The following MACROD2 variants were observed in gnomAD, a reference collection of about 807,000 sequenced individuals.
MACROD2 encodes mono-ADP ribosylhydrolase 2, also known as ADP-ribose glycohydrolase MACROD2.
A neutral mutation model predicts 70.4 loss-of-function variants in MACROD2; 36 were observed. That is an observed-to-expected ratio of 0.51 (90% CI 0.39 to 0.68). MACROD2 has a LOEUF of 0.68. Among genes scored for constraint, MACROD2 ranks in the 30% least tolerant of loss-of-function variants. MACROD2 has a pLI of 0.00. For synonymous variants in MACROD2, 172 were observed against 178.8 expected (o/e 0.96, Z 0.30); for missense variants, 496 against 538.4 (o/e 0.92, Z 0.78).
At chr20:15,176,130 T>C (rs1470908363) in intron 5 of MACROD2, among the ~76,000 whole-genome samples, 1 of 152,222 alleles carries the variant, frequency 6.6e-6, no homozygotes, top group Non-Finnish European at 1.5e-5. Context: ...CCCTGCTGCC[T>C]TGGCCCCCTC....
intron 5 of MACROD2, among the ~76,000 whole-genome samples, chr20:15,030,338 C>T (rs984719164): frequency 6.6e-6 from 1 of 152,112 alleles, no homozygotes; most frequent in East Asian, 1.9e-4. Flanking sequence ...GTGGTGCATG[C>T]CTATAGTCCC....
At position 16,029,225 on chromosome 20, in the gene MACROD2, A is replaced by G. The variant is rs141314543; in HGVS notation, c.1154-11976A>G. ...AAAAGGCCCTATTTATAAATACAGT[A>G]ACTTGCAGGTTGGGGCTACAACCTT... is the stretch of plus-strand genomic sequence containing the variant. On this transcript the variant is annotated intron_variant, in intron 15 of 17. Transcript: ENST00000684519. 3.1e-4 allele frequency among the ~76,000 whole-genome samples: 47 copies of G among 152,294 alleles called. 1 individual carries two copies. In the East Asian group the frequency reaches 9.1e-3, roughly 29 times the overall value.
chr20:15,682,627 C>T (rs2050175167), intron 8 of MACROD2, among the ~76,000 whole-genome samples: 1 of 152,164 alleles, frequency 6.6e-6, no homozygotes. Context: ...CCACATGAAG[C>T]TTGGTTGGCC....
chr20:14,745,690 C>T (rs1363946951), intron 5 of MACROD2, among the ~76,000 whole-genome samples: 1 of 152,144 alleles, frequency 6.6e-6, no homozygotes, highest in Non-Finnish European at 1.5e-5. Flanking sequence ...TGTTAGTGCT[C>T]AATAAATGCC....
chr20:15,268,174 A>C (rs910005366), intron 6 of MACROD2, among the ~76,000 whole-genome samples: 5 of 152,092 alleles, frequency 3.3e-5, no homozygotes, highest in Non-Finnish European at 7.4e-5. Flanking sequence ...GGAGAGTTTT[A>C]GTTTCTTTTG....
chr20:15,540,298 A>T (rs1222989624), intron 8 of MACROD2, among the ~76,000 whole-genome samples: 3 of 152,198 alleles, frequency 2.0e-5, no homozygotes, highest in Non-Finnish European at 4.4e-5. Context: ...TCATTAGGAC[A>T]TGTATCCTAC....
chr20:15,689,429 G>A (rs1181498591), intron 8 of MACROD2, among the ~76,000 whole-genome samples: 1 of 152,120 alleles, frequency 6.6e-6, no homozygotes, highest in Non-Finnish European at 1.5e-5. Flanking sequence ...ATCTGTGGGG[G>A]GAAAAACAGC....
intron 5 of MACROD2, among the ~76,000 whole-genome samples, chr20:14,750,861 A>G (rs565093250): frequency 6.6e-6 from 1 of 152,220 alleles, no homozygotes; most frequent in East Asian, 1.9e-4. Context: ...TCACTAACAA[A>G]TAACTAATCT....
chr20:14,673,587 A>T (rs950778016), intron 4 of MACROD2, among the ~76,000 whole-genome samples: 2 of 152,204 alleles, frequency 1.3e-5, no homozygotes, highest in Middle Eastern at 3.4e-3. Flanking sequence ...TTAGATAAGT[A>T]ATCTATTCTT....
intron 6 of MACROD2, among the ~76,000 whole-genome samples, chr20:15,298,877 T>C (rs971488566): frequency 6.6e-5 from 10 of 152,168 alleles, no homozygotes; most frequent in African/African-American, 2.4e-4. Flanking sequence ...ATTATCCTCA[T>C]TTTACTGACA....
chr20:15,043,570 A>C (rs2075371018), intron 5 of MACROD2, among the ~76,000 whole-genome samples: 1 of 152,140 alleles, frequency 6.6e-6, no homozygotes, highest in Non-Finnish European at 1.5e-5. Flanking sequence ...CTGGGCCTTC[A>C]GATCTTCCTT....
intron 5 of MACROD2, among the ~76,000 whole-genome samples, chr20:15,226,418 T>C: frequency 6.6e-6 from 1 of 152,242 alleles, no homozygotes; most frequent in East Asian, 1.9e-4. Context: ...CTATTTACAT[T>C]ATCTTATTTA....
intron 5 of MACROD2, among the ~76,000 whole-genome samples, chr20:14,723,214 G>T (rs1365691546): frequency 6.6e-6 from 1 of 152,138 alleles, no homozygotes; most frequent in Non-Finnish European, 1.5e-5. Context: ...TTGGAATCAA[G>T]TCCCTGCTTT....
At chr20:15,171,665 G>A (rs76716130) in intron 5 of MACROD2, among the ~76,000 whole-genome samples, 1 of 151,708 alleles carries the variant, frequency 6.6e-6, no homozygotes, top group African/African-American at 2.4e-5. Flanking sequence ...TTATACTTCA[G>A]GTCTCAGCTA....
rs577977120 is a variant in MACROD2 at position 14,090,796 on chromosome 20, A to G, written c.271+5068A>G. Among the ~76,000 whole-genome samples the G allele has an allele frequency of 4.6e-5, 7 of 152,330 alleles. No homozygotes were observed. The South Asian group carries it at 1.4e-3, about 32-fold the overall frequency. On this transcript the variant is annotated intron_variant, in intron 3 of 17. Coordinates refer to ENST00000684519, the MANE Select transcript of MACROD2 (RefSeq NM_001351661.2). The stretch of plus-strand genomic sequence containing the variant: ...CCTAGAAGTAGAATCAACAGATCAT[A>G]TGGCAGTTTTATTTTTAGCTTGTTG...
chr20:14,056,126 A>G (rs1259209908), intron 2 of MACROD2, among the ~76,000 whole-genome samples: 2 of 152,094 alleles, frequency 1.3e-5, no homozygotes, highest in Non-Finnish European at 2.9e-5. Flanking sequence ...TGGTCTTCTC[A>G]GGTTTTGGAT....
At position 15,350,447 on chromosome 20, in the gene MACROD2, G is replaced by A. The variant is rs1472201597; in HGVS notation, c.541-80958G>A. On this transcript the variant is annotated intron_variant, in intron 6 of 17. Coordinates refer to ENST00000684519, the MANE Select transcript of MACROD2 (RefSeq NM_001351661.2). ...TCACCTGAGTGTAGGTAAATGGGAGGAAGTGGTGAGTGGAAGGGGAAAGCC... is the reference window on the plus strand; with the variant it reads ...TCACCTGAGTGTAGGTAAATGGGAGAAAGTGGTGAGTGGAAGGGGAAAGCC... Among the ~76,000 whole-genome samples the A allele has an allele frequency of 2.6e-5, 4 of 152,134 alleles. No individual in the cohort carries two copies. In the East Asian group the frequency reaches 7.7e-4, roughly 29 times the overall value.
intron 3 of MACROD2, among the ~76,000 whole-genome samples, chr20:14,270,175 C>A (rs1433555217): frequency 6.6e-6 from 1 of 151,990 alleles, no homozygotes; most frequent in East Asian, 1.9e-4. Flanking sequence ...TAATTTCTCT[C>A]AAAAACAACA....
rs574966977 is a variant in MACROD2 at position 14,615,720 on chromosome 20, G to A, written c.302-69123G>A. Among the ~76,000 whole-genome samples the A allele has an allele frequency of 3.3e-5, 5 of 152,190 alleles. No homozygotes were observed. In the South Asian group the frequency reaches 1.0e-3, roughly 32 times the overall value. On this transcript the variant is annotated intron_variant, in intron 4 of 17. Transcript: ENST00000684519. ...GTGTATTAGAAAGATTAGCCTGGTA[G>A]CAATATGGAGACATAGGTGGGGCAG...
Sources: allele counts gnomAD v4.1 joint callset (sites outside exome capture counted in the v4.1 genomes callset), GRCh38; gene constraint gnomAD v4.1.1; transcripts MANE v1.5; gene names NCBI Gene and HGNC (gene_info 2026-07-23, HGNC 2026-07-21).